The following FHIT variants were observed in gnomAD, a reference collection of about 807,000 sequenced individuals.
The protein encoded by FHIT is bis(5'-adenosyl)-triphosphatase.
In FHIT, 19 loss-of-function variants were observed where a neutral mutation model predicts 17.9. The observed-to-expected ratio is 1.06, with a 90% CI of 0.74 to 1.56. The LOEUF is 1.56. Among genes scored for constraint, FHIT ranks in the 40% most tolerant of loss-of-function variants. FHIT has a pLI of 0.00. For synonymous variants in FHIT, 81 were observed against 69.7 expected, an observed-to-expected ratio of 1.16 and a Z score of -0.81; for missense variants, 248 against 189.2, an observed-to-expected ratio of 1.31 and a Z score of -1.82.
chr3:60,072,788 C>T (rs144056740), intron 5 of FHIT, among the ~76,000 whole-genome samples: 109 of 152,268 alleles, frequency 7.2e-4, no homozygotes, highest in Non-Finnish European at 4.6e-4. Context: ...ATGAAGCTAG[C>T]GCTTCATGGT....
chr3:59,883,169 T>C (rs56192120), intron 8 of FHIT, among the ~76,000 whole-genome samples: 3,889 of 152,222 alleles, frequency 0.026, 50 homozygotes, highest in South Asian at 0.064. Context: ...AATTGTGTAA[T>C]TTGAAAGTAA....
At position 60,864,996 on chromosome 3, in the gene FHIT, G is replaced by A. The variant is rs755357188; in HGVS notation, c.-110-42985C>T. On this transcript the variant is annotated intron_variant, in intron 3 of 9. Coordinates refer to ENST00000492590, the MANE Select transcript of FHIT (RefSeq NM_002012.4). Reference sequence around the variant, plus strand: ...AGAGACACTGCTCAGCTTCTGAATCGCCTTAGTTCACAATAAAATAGAAAT... The same window carrying A: ...AGAGACACTGCTCAGCTTCTGAATCACCTTAGTTCACAATAAAATAGAAAT... Among the ~76,000 whole-genome samples, 13 of 151,160 alleles carry A rather than the reference G, an allele frequency of 8.6e-5. No individual in the cohort carries two copies. The East Asian group carries it at 1.8e-3, about 20-fold the overall frequency.
intron 5 of FHIT, among the ~76,000 whole-genome samples, chr3:60,196,597 T>C (rs899322720): frequency 1.3e-5 from 2 of 152,060 alleles, no homozygotes; most frequent in Non-Finnish European, 2.9e-5. Context: ...CTTTGGGGGA[T>C]CATTATTCCA....
intron 7 of FHIT, among the ~76,000 whole-genome samples, chr3:59,962,784 A>G (rs1707746530): frequency 6.6e-6 from 1 of 152,256 alleles, no homozygotes; most frequent in Non-Finnish European, 1.5e-5. Context: ...TGCATTTGCT[A>G]GCTCAAGAAC....
chr3:60,926,820 A>C (rs1438305552), intron 3 of FHIT, among the ~76,000 whole-genome samples: 1 of 152,226 alleles, frequency 6.6e-6, no homozygotes, highest in Non-Finnish European at 1.5e-5. Flanking sequence ...AGACTAATAA[A>C]GAAGAAGAGA....
At chr3:60,857,498 T>G (rs1436920194) in intron 3 of FHIT, among the ~76,000 whole-genome samples, 1 of 152,174 alleles carries the variant, frequency 6.6e-6, no homozygotes, top group East Asian at 1.9e-4. Context: ...GACAAAAGCT[T>G]TTCAATAAGG....
At chr3:60,908,122 A>C (rs1706531429) in intron 3 of FHIT, among the ~76,000 whole-genome samples, 1 of 152,198 alleles carries the variant, frequency 6.6e-6, no homozygotes, top group Non-Finnish European at 1.5e-5. Context: ...CCTAATGCAG[A>C]ATTCTGGAGG....
intron 5 of FHIT, among the ~76,000 whole-genome samples, chr3:60,522,158 G>A (rs1437771019): frequency 2.1e-5 from 3 of 144,008 alleles, no homozygotes; most frequent in Non-Finnish European, 3.0e-5. Flanking sequence ...GCCTAGGCTG[G>A]TTGTGCAGTG....
At chr3:60,007,853 C>T (rs1022967201) in intron 7 of FHIT, among the ~76,000 whole-genome samples, 9 of 152,074 alleles carry the variant, frequency 5.9e-5, no homozygotes, top group African/African-American at 2.2e-4. Context: ...GGTCTTATGA[C>T]CTACTTGCAT....
At chr3:59,843,346 T>C (rs1575578295) in intron 8 of FHIT, among the ~76,000 whole-genome samples, 1 of 152,294 alleles carries the variant, frequency 6.6e-6, no homozygotes, top group East Asian at 1.9e-4. Flanking sequence ...TTTGTAATCA[T>C]AAAGTATGAG....
intron 8 of FHIT, among the ~76,000 whole-genome samples, chr3:59,843,367 T>G (rs1488303586): frequency 6.6e-6 from 1 of 152,170 alleles, no homozygotes; most frequent in African/African-American, 2.4e-5. Flanking sequence ...TCCTCCAGGT[T>G]TGTTCTTTTC....
intron 5 of FHIT, among the ~76,000 whole-genome samples, chr3:60,381,516 T>C (rs964820918): frequency 2.1e-4 from 32 of 151,892 alleles, no homozygotes; most frequent in Admixed American, 2.0e-3. Context: ...AAAAGATCAT[T>C]AGACATAAAA....
In FHIT at chr3:60,366,670, G is replaced by A. The variant is rs537378638; in HGVS notation, c.103+170190C>T. 1.1e-3 allele frequency among the ~76,000 whole-genome samples: 167 copies of A among 152,186 alleles called. 1 individual carries two copies. The highest frequency in any genetic ancestry group is 3.8e-3 in the African/African-American group (159 of 41,516). ...ACATTCTCTTGCCCTTCTGCCGTCC[G>A]CTCCCCTGCCATGAGATTAACCTCA... On this transcript the variant is annotated intron_variant, in intron 5 of 9. Coordinates refer to ENST00000492590, the MANE Select transcript of FHIT (RefSeq NM_002012.4).
chr3:61,203,310 T>C (rs929768172), intron 1 of FHIT, among the ~76,000 whole-genome samples: 3 of 149,088 alleles, frequency 2.0e-5, no homozygotes, highest in African/African-American at 2.5e-5. Context: ...AATTGCACCA[T>C]TGCACTCCAG....
chr3:60,520,132 C>T (rs138797834), intron 5 of FHIT, among the ~76,000 whole-genome samples: 45 of 152,182 alleles, frequency 3.0e-4, no homozygotes, highest in Non-Finnish European at 3.7e-4. Flanking sequence ...GCCTACGTTT[C>T]GATAAATTTT....
intron 4 of FHIT, among the ~76,000 whole-genome samples, chr3:60,600,189 G>A (rs905821022): frequency 2.6e-5 from 4 of 152,018 alleles, no homozygotes; most frequent in Non-Finnish European, 4.4e-5. Flanking sequence ...TCCTGCTAAA[G>A]GCACCAATGA....
At chr3:59,888,161 A>G (rs1703706103) in intron 8 of FHIT, among the ~76,000 whole-genome samples, 1 of 152,162 alleles carries the variant, frequency 6.6e-6, no homozygotes, top group Non-Finnish European at 1.5e-5. Context: ...TTTCTTTAAC[A>G]AGTTGTCTCT....
intron 4 of FHIT, among the ~76,000 whole-genome samples, chr3:60,752,537 C>G (rs1479272090): frequency 3.3e-5 from 5 of 152,178 alleles, no homozygotes; most frequent in Non-Finnish European, 5.9e-5. Context: ...GACCTCCTCT[C>G]CAAGTTCTCA....
chr3:59,897,675 A>G (rs1477932719), intron 8 of FHIT, among the ~76,000 whole-genome samples: 2 of 152,166 alleles, frequency 1.3e-5, no homozygotes, highest in African/African-American at 2.4e-5. Flanking sequence ...GGTTTACTCC[A>G]TTTATATAAG....
Sources: gnomAD v4.1 joint callset for allele counts (sites outside exome capture counted in the v4.1 genomes callset) on GRCh38, gnomAD v4.1.1 for gene constraint, MANE v1.5 for transcripts, NCBI Gene and HGNC (gene_info 2026-07-23, HGNC 2026-07-21) for gene names.